MARCHF1: variants seen among roughly 807,000 people sequenced by gnomAD.
MARCHF1 encodes membrane associated ring-CH-type finger 1.
MARCHF1 carries 40 observed loss-of-function variants against 54.2 expected under a neutral mutation model. The ratio of observed to expected loss-of-function variants is 0.74; its 90% confidence interval spans 0.57 to 0.96. MARCHF1 has a LOEUF of 0.96. MARCHF1 is among the 40% of genes least tolerant of loss of function. The pLI is 0.00. For missense variants in MARCHF1, 586 were observed against 656.5 expected (o/e 0.89, Z 1.17); for synonymous variants, 236 against 236.3 (o/e 1.00, Z 0.01).
intron 1 of MARCHF1, among the ~76,000 whole-genome samples, chr4:164,290,012 T>G (rs1386600333): frequency 6.6e-6 from 1 of 151,816 alleles, no homozygotes; most frequent in Non-Finnish European, 1.5e-5. Flanking sequence ...AAATTGTTTT[T>G]AAATCCTCCA....
At chr4:163,771,706 A>G (rs1190786695) in intron 4 of MARCHF1, among the ~76,000 whole-genome samples, 1 of 152,200 alleles carries the variant, frequency 6.6e-6, no homozygotes, top group Non-Finnish European at 1.5e-5. Flanking sequence ...TAGATCATGC[A>G]AGAGCTTATT....
chr4:163,736,462 C>A (rs957556949), intron 4 of MARCHF1, among the ~76,000 whole-genome samples: 3 of 133,260 alleles, frequency 2.3e-5, no homozygotes, highest in Admixed American at 9.0e-5. Context: ...TGTTTAAATT[C>A]TAGAATTTTC....
intron 1 of MARCHF1, among the ~76,000 whole-genome samples, chr4:164,275,125 TAAG>T (rs1446122480): frequency 1.3e-5 from 2 of 151,702 alleles, no homozygotes; most frequent in Non-Finnish European, 2.9e-5. Flanking sequence ...TAAAATATAA[TAAG>T]AGATAAGGCT....
intron 4 of MARCHF1, among the ~76,000 whole-genome samples, chr4:163,840,957 C>A (rs1242896920): frequency 2.9e-5 from 3 of 102,478 alleles, no homozygotes; most frequent in Non-Finnish European, 4.2e-5. Flanking sequence ...TGGAAGAAAG[C>A]ATTTTTATGA....
intron 4 of MARCHF1, among the ~76,000 whole-genome samples, chr4:163,787,699 A>G (rs999097222): frequency 6.6e-6 from 1 of 151,980 alleles, no homozygotes; most frequent in African/African-American, 2.4e-5. Flanking sequence ...GAAAATTACT[A>G]TATGATCCAG....
At chr4:164,343,467 C>T (rs1297998608) in intron 1 of MARCHF1, among the ~76,000 whole-genome samples, 2 of 151,962 alleles carry the variant, frequency 1.3e-5, no homozygotes, top group Non-Finnish European at 2.9e-5. Context: ...ACTATGCATT[C>T]AACAAAGGTC....
intron 4 of MARCHF1, among the ~76,000 whole-genome samples, chr4:163,771,180 T>C (rs1366752814): frequency 6.6e-6 from 1 of 152,204 alleles, no homozygotes; most frequent in African/African-American, 2.4e-5. Flanking sequence ...AATTAGGAGC[T>C]ATTTTGTGGT....
intron 1 of MARCHF1, among the ~76,000 whole-genome samples, chr4:164,219,980 G>C (rs1321634149): frequency 1.3e-5 from 2 of 151,698 alleles, no homozygotes; most frequent in African/African-American, 4.8e-5. Context: ...TATCCCCAAA[G>C]TTTATAGTTT....
At chr4:164,004,752 C>T (rs1753253352) in intron 2 of MARCHF1, among the ~76,000 whole-genome samples, 1 of 151,772 alleles carries the variant, frequency 6.6e-6, no homozygotes, top group Admixed American at 6.6e-5. Context: ...GCCCATAAGC[C>T]AGAGAAGAAA....
intron 3 of MARCHF1, among the ~76,000 whole-genome samples, chr4:163,905,833 G>A (rs192494200): frequency 3.3e-5 from 5 of 152,024 alleles, no homozygotes; most frequent in African/African-American, 7.2e-5. Flanking sequence ...ATAATAATAT[G>A]GCTGAATGTA....
intron 1 of MARCHF1, among the ~76,000 whole-genome samples, chr4:164,358,747 G>T (rs1730636858): frequency 6.6e-6 from 1 of 152,042 alleles, no homozygotes; most frequent in South Asian, 2.1e-4. Flanking sequence ...ATGAAATGTG[G>T]TTTCTATTAA....
intron 1 of MARCHF1, among the ~76,000 whole-genome samples, chr4:164,155,021 C>T (rs1730040907): frequency 6.6e-6 from 1 of 152,162 alleles, no homozygotes; most frequent in Admixed American, 6.5e-5. Flanking sequence ...CCAAACTCCT[C>T]CTAACATTCC....
At chr4:163,734,228 G>C (rs1302984765) in intron 4 of MARCHF1, among the ~76,000 whole-genome samples, 4 of 152,158 alleles carry the variant, frequency 2.6e-5, no homozygotes, top group African/African-American at 9.7e-5. Context: ...CTGTTGGTGA[G>C]AATGTATAAA....
rs1236493038 is a variant in MARCHF1 at position 163,783,110 on chromosome 4, A to C, written c.111+70911T>G. Reference sequence around the variant, plus strand: ...AAAACATTAACAAAATATAGCTAATATCTATTAGTTATCTGATATATGCCT... The same window carrying C: ...AAAACATTAACAAAATATAGCTAATCTCTATTAGTTATCTGATATATGCCT... On this transcript the variant is annotated intron_variant, in intron 4 of 9. Transcript: ENST00000514618. Among the ~76,000 whole-genome samples the C allele has an allele frequency of 5.9e-5, 9 of 152,230 alleles. No homozygotes were observed. In the South Asian group the frequency reaches 8.3e-4, roughly 14 times the overall value.
rs1412758989 is a variant in MARCHF1, at chr4:163,634,895, A to G, written c.163-21502T>C. 1.3e-4 allele frequency among the ~76,000 whole-genome samples: 17 copies of G among 132,614 alleles called. No individual in the cohort carries two copies. The South Asian group carries it at 4.5e-3, about 35-fold the overall frequency. 87.0% of individuals were successfully genotyped at this position (132,614 alleles called of 152,430 possible). Reference sequence around the variant, plus strand: ...AAAAGAACAGAGATTATAACAAACTATCTCTCAGACCACAGTGCAATCAAA... The same window carrying G: ...AAAAGAACAGAGATTATAACAAACTGTCTCTCAGACCACAGTGCAATCAAA... On this transcript the variant is annotated intron_variant, in intron 5 of 9. Coordinates refer to ENST00000514618, the MANE Select transcript of MARCHF1 (RefSeq NM_001394959.1).
At chr4:163,646,231 G>T (rs527994302) in intron 5 of MARCHF1, among the ~76,000 whole-genome samples, 1 of 142,178 alleles carries the variant, frequency 7.0e-6, no homozygotes, top group Admixed American at 7.0e-5. Flanking sequence ...TATTCAAGAG[G>T]CTGACATGAA....
At chr4:163,930,439 T>G (rs74627087) in intron 3 of MARCHF1, among the ~76,000 whole-genome samples, 1 of 151,274 alleles carries the variant, frequency 6.6e-6, no homozygotes, top group Non-Finnish European at 1.5e-5. Context: ...CCTTAGGAGT[T>G]TGGAAAAAGG....
chr4:163,954,389 T>C (rs887507338), intron 3 of MARCHF1, among the ~76,000 whole-genome samples: 15 of 152,142 alleles, frequency 9.9e-5, no homozygotes, highest in Admixed American at 3.9e-4. Flanking sequence ...CATTTACTCA[T>C]TAAAAATACA....
chr4:163,814,341 C>T (rs527614139), intron 4 of MARCHF1, among the ~76,000 whole-genome samples: 12 of 152,224 alleles, frequency 7.9e-5, no homozygotes, highest in South Asian at 6.2e-4. Flanking sequence ...CCTTTGACTC[C>T]GCCCGACTTC....
Sources: allele counts gnomAD v4.1 joint callset (sites outside exome capture counted in the v4.1 genomes callset), GRCh38; gene constraint gnomAD v4.1.1; transcripts MANE v1.5; gene names NCBI Gene and HGNC (gene_info 2026-07-23, HGNC 2026-07-21).